Variants in GTF3C1 observed in about 807,000 individuals in gnomAD.
GTF3C1 encodes the protein general transcription factor 3C polypeptide 1.
A neutral mutation model predicts 226.7 loss-of-function variants in GTF3C1; 57 were observed. The ratio of observed to expected loss-of-function variants is 0.25; its 90% confidence interval spans 0.20 to 0.31. The LOEUF (loss-of-function observed/expected upper bound fraction) is 0.31. GTF3C1 is among the 10% of genes least tolerant of loss of function. The pLI is 1.00. For missense variants in GTF3C1, 2,217 were observed against 2,776.1 expected (o/e 0.80, Z 4.53); for synonymous variants, 1,090 against 1,084.8 (o/e 1.00, Z -0.09).
chr16:27,541,459 T>C (rs1035795125), intron 2 of GTF3C1, among the ~76,000 whole-genome samples: 13 of 152,202 alleles, frequency 8.5e-5, no homozygotes, highest in African/African-American at 2.9e-4. Flanking sequence ...AGGCATATTA[T>C]TATAGAACTG....
intron 12 of GTF3C1, among the ~76,000 whole-genome samples, chr16:27,500,133 G>A (rs1187625846): frequency 2.0e-5 from 3 of 152,106 alleles, no homozygotes; most frequent in African/African-American, 4.8e-5. Context: ...CTGGAGGGTG[G>A]GGGGTTCCTG....
At chr16:27,491,397 G>T (rs1021769040) in intron 19 of GTF3C1, among the ~76,000 whole-genome samples, 4 of 152,186 alleles carry the variant, frequency 2.6e-5, no homozygotes, top group Non-Finnish European at 4.4e-5. Context: ...GACCCTCCAT[G>T]CATTTGATCC....
chr16:27,461,417 T>A lies in GTF3C1; in HGVS notation c.6263A>T (p.Asp2088Val). 6.2e-7 allele frequency: 1 copy of A among 1,613,962 alleles called. No homozygotes were observed. The highest frequency in any genetic ancestry group is 8.5e-7 in the Non-Finnish European group (1 of 1,179,914). ...SPMAFYEPTL[D>V]CTLRLGRVFP... is the part of the protein sequence containing the mutation. ...CACACGGCCCAGCCGGAGGGTACAG[T>A]CCAAGGTGGGCTCATAGAAAGCCAT... Residue 2088 changes from aspartate (D) to valine (V), a missense_variant, in exon 37 of 37, where the codon GAC (aspartate) becomes GTC (valine). Coordinates refer to ENST00000356183, the MANE Select transcript of GTF3C1 (RefSeq NM_001520.4). This position sits in a 1 kb window ranked among gnomAD's most constrained non-coding sequence, Gnocchi z 5.3.
Position 27,494,765 on chromosome 16 carries a change from T to A in GTF3C1, c.2776A>T (p.Lys926Ter). 6.2e-7 allele frequency: 1 copy of A among 1,611,690 alleles called. No individual in the cohort carries two copies. The highest frequency in any genetic ancestry group is 8.5e-7 in the Non-Finnish European group (1 of 1,177,816). Reference sequence around the variant, plus strand: ...ATAATGGCTCCTGTCACCAATACCTTGTAGCTGACTTGCACAATCTGGATG... The same window carrying A: ...ATAATGGCTCCTGTCACCAATACCTAGTAGCTGACTTGCACAATCTGGATG... ...IFIQIVQVSY[K>*]VDNLEEFLND... The change falls in exon 16 of 37, where the codon AAG (lysine) becomes TAG (stop). Residue 926 changes from lysine to a stop codon, truncating the protein, a stop_gained and splice_region_variant. Coordinates refer to ENST00000356183, the MANE Select transcript of GTF3C1 (RefSeq NM_001520.4). LOFTEE classifies it high-confidence loss of function.
chr16:27,517,579 G>C (rs1263922267), intron 6 of GTF3C1, among the ~76,000 whole-genome samples: 2 of 152,190 alleles, frequency 1.3e-5, no homozygotes, highest in Non-Finnish European at 2.9e-5. Flanking sequence ...AGGAGTTTCA[G>C]GCATTTTAAA....
At chr16:27,546,507 C>CATAT (rs1041552346) in intron 1 of GTF3C1, among the ~76,000 whole-genome samples, 4 of 132,198 alleles carry the variant, frequency 3.0e-5, no homozygotes, top group African/African-American at 1.1e-4. Flanking sequence ...AAAATACATA[C>CATAT]ATATATATAT....
At chr16:27,544,891 GAC>G (rs2089140451) in intron 2 of GTF3C1, among the ~76,000 whole-genome samples, 1 of 152,144 alleles carries the variant, frequency 6.6e-6, no homozygotes, top group Non-Finnish European at 1.5e-5. Flanking sequence ...AGTGAACTCT[GAC>G]AGACTCCAAG....
At chr16:27,542,496 G>A (rs531601446) in intron 2 of GTF3C1, among the ~76,000 whole-genome samples, 78 of 152,142 alleles carry the variant, frequency 5.1e-4, no homozygotes, top group African/African-American at 1.8e-3. Context: ...GGGAGGTGGA[G>A]GTTGCAGTGA....
chr16:27,483,120 C>T lies in GTF3C1; in HGVS notation c.4007G>A (p.Cys1336Tyr). The T allele has an allele frequency of 1.2e-6, 2 of 1,614,076 alleles. No individual in the cohort carries two copies. Among genetic ancestry groups the T allele is most frequent in the Non-Finnish European group, 1.7e-6 (2 of 1,179,912 alleles). ...TTTATCCTGGTACACCTCGGCCAGG[C>T]ACACTCTGCAGGAAGAGGAGACAAA... is the stretch of plus-strand genomic sequence containing the variant. ...NPQAYLNYKV[C>Y]LAEVYQDKAL... is the part of the protein sequence containing the mutation. Residue 1336 changes from cysteine to tyrosine, a missense_variant, in exon 26 of 37, where the codon TGC becomes TAC. Around this residue, in one of 12 missense-constraint regions of GTF3C1, gnomAD observed 546 missense variants for 663.0 expected, o/e 0.82. Coordinates refer to ENST00000356183, the MANE Select transcript of GTF3C1 (RefSeq NM_001520.4).
rs897663394 is a variant in GTF3C1 at position 27,542,241 on chromosome 16, T to C, written c.431+3073A>G. On this transcript the variant is annotated intron_variant, in intron 2 of 36. Coordinates refer to ENST00000356183, the MANE Select transcript of GTF3C1 (RefSeq NM_001520.4). ...AGTACTATGGTTTGGATGAGGCTTGTCCACACCAAAACTCATGTTGAAGTT... is the reference window on the plus strand; with the variant it reads ...AGTACTATGGTTTGGATGAGGCTTGCCCACACCAAAACTCATGTTGAAGTT... Among the ~76,000 whole-genome samples the C allele has an allele frequency of 1.2e-4, 19 of 152,268 alleles. No individual in the cohort carries two copies. In the East Asian group the frequency reaches 3.1e-3, roughly 25 times the overall value.
chr16:27,495,088 T>C (rs2088295513), intron 15 of GTF3C1, 123 bp downstream of exon 15: 4 of 864,522 alleles, frequency 4.6e-6, no homozygotes, highest in Non-Finnish European at 7.3e-6. Context: ...GTGTGGATTA[T>C]GTTTCCATTT....
intron 25 of GTF3C1, among the ~76,000 whole-genome samples, chr16:27,483,591 G>C (rs1339187001): frequency 6.6e-6 from 1 of 152,226 alleles, no homozygotes; most frequent in Non-Finnish European, 1.5e-5. Flanking sequence ...AGAAAATGAA[G>C]GGGAAGGCGA....
At chr16:27,479,811 G>A (rs2088011290) in intron 27 of GTF3C1, among the ~76,000 whole-genome samples, 1 of 152,098 alleles carries the variant, frequency 6.6e-6, no homozygotes, top group Admixed American at 6.6e-5. Context: ...AGAATGCTCA[G>A]GATCACAATC....
Position 27,545,424 on chromosome 16 carries a change from C to T in GTF3C1, c.321G>A (p.Lys107=). 6.2e-7 allele frequency: 1 copy of T among 1,612,098 alleles called. No homozygotes were observed. Among genetic ancestry groups the T allele is most frequent in the Non-Finnish European group, 8.5e-7 (1 of 1,178,144 alleles). ...AGCGGCATGAGCCCTGGATGCCATC[C>T]TTATTCTCTAAGATCATATGAATGG... ...VYPIHMILEN[K]DGIQGSCRYF... Residue 107 remains lysine (K), a synonymous_variant, in exon 2 of 37, where the codon AAG becomes AAA. Transcript: ENST00000356183.
At chr16:27,515,091 G>A (rs1293061038) in intron 6 of GTF3C1, among the ~76,000 whole-genome samples, 6 of 152,106 alleles carry the variant, frequency 3.9e-5, no homozygotes, top group African/African-American at 7.2e-5. Flanking sequence ...GGCAAGAAAC[G>A]GTACTAGTAA....
chr16:27,464,879 A>T, intron 33 of GTF3C1, 43 bp from the exon 34 acceptor site: 1 of 1,452,798 alleles, frequency 6.9e-7, no homozygotes, highest in Non-Finnish European at 9.1e-7. Flanking sequence ...GGAGCTCGGG[A>T]TCCTCCACGC....
chr16:27,517,013 A>G (rs145755245), intron 6 of GTF3C1, among the ~76,000 whole-genome samples: 12 of 152,362 alleles, frequency 7.9e-5, no homozygotes, highest in Non-Finnish European at 1.6e-4. Flanking sequence ...TCTCTGCCAC[A>G]GAGCTGGCTG....
At chr16:27,528,905 C>A (rs556216865) in intron 5 of GTF3C1, among the ~76,000 whole-genome samples, 184 bp from the exon 6 acceptor site, 2 of 152,174 alleles carry the variant, frequency 1.3e-5, no homozygotes, top group African/African-American at 4.8e-5. Flanking sequence ...AGGATATAAA[C>A]GATTCTACCT....
At chr16:27,539,948 C>G (rs2089057656) in intron 2 of GTF3C1, among the ~76,000 whole-genome samples, 2 of 152,258 alleles carry the variant, frequency 1.3e-5, no homozygotes, top group South Asian at 4.2e-4. Context: ...AGAGGACCCC[C>G]CTTTCCCAGA....
Sources: gnomAD v4.1 joint callset for allele counts (sites outside exome capture counted in the v4.1 genomes callset) on GRCh38, gnomAD v4.1.1 for gene constraint, gnomAD v4.1.1 regional missense constraint, Gnocchi (gnomAD v3.1) non-coding constraint, MANE v1.5 for transcripts, NCBI Gene and HGNC (gene_info 2026-07-23, HGNC 2026-07-21) for gene names.